The following DOCK4 variants were observed in gnomAD, a reference collection of about 807,000 sequenced individuals.
DOCK4 encodes the protein dedicator of cytokinesis 4, also known as dedicator of cytokinesis protein 4.
A neutral mutation model predicts 268.1 loss-of-function variants in DOCK4; 97 were observed. That is an observed-to-expected ratio of 0.36 (90% confidence interval 0.31 to 0.43). The LOEUF (loss-of-function observed/expected upper bound fraction) is 0.43, where lower values mean the gene tolerates loss of function less well. Ranked by LOEUF, DOCK4 falls within the 20% of genes least tolerant of loss-of-function variation. The pLI is 1.00. For missense variants in DOCK4, 2,145 were observed against 2,455.7 expected (o/e 0.87, Z 2.67); for synonymous variants, 954 against 887.2 (o/e 1.08, Z -1.34).
At chr7:111,778,788 G>A (rs1257959960) in intron 35 of DOCK4, among the ~76,000 whole-genome samples, 1 of 152,170 alleles carries the variant, frequency 6.6e-6, no homozygotes, top group Non-Finnish European at 1.5e-5. Context: ...TGGGCACGGT[G>A]GCTCATGCCT....
At chr7:111,869,490 G>T in intron 21 of DOCK4, 84 bp downstream of exon 21, 2 of 1,182,068 alleles carry the variant, frequency 1.7e-6, no homozygotes, top group Non-Finnish European at 2.5e-6. Flanking sequence ...ACCCATTACT[G>T]TCTGTGTAGA....
chr7:111,893,990 G>A (rs369850888), intron 16 of DOCK4, among the ~76,000 whole-genome samples: 1 of 152,182 alleles, frequency 6.6e-6, no homozygotes, highest in East Asian at 1.9e-4. Context: ...TTGGGAGGCT[G>A]AGGTGGGCGG....
chr7:112,197,075 C>T (rs934426446), intron 1 of DOCK4, among the ~76,000 whole-genome samples: 22 of 152,104 alleles, frequency 1.4e-4, no homozygotes, highest in African/African-American at 5.3e-4. Flanking sequence ...ATTTTGCCAA[C>T]AGACGTTCTG....
At chr7:111,759,450 T>C (rs1387085056) in intron 40 of DOCK4, among the ~76,000 whole-genome samples, 1 of 152,224 alleles carries the variant, frequency 6.6e-6, no homozygotes, top group Admixed American at 6.5e-5. Flanking sequence ...TAAAGAAAGA[T>C]AGCAAAATAT....
At chr7:112,093,974 T>A (rs1369654013) in intron 1 of DOCK4, among the ~76,000 whole-genome samples, 1 of 151,572 alleles carries the variant, frequency 6.6e-6, no homozygotes, top group Non-Finnish European at 1.5e-5. Context: ...TAGAAAAGCA[T>A]ATTGAGCTTA....
At chr7:112,093,497 A>G (rs1418554954) in intron 1 of DOCK4, among the ~76,000 whole-genome samples, 1 of 152,214 alleles carries the variant, frequency 6.6e-6, no homozygotes. Context: ...GAGTCCAGTC[A>G]TGAACACCCC....
At chr7:111,732,143 A>C in intron 52 of DOCK4, 83 bp downstream of exon 52, 3 of 1,377,628 alleles carry the variant, frequency 2.2e-6, no homozygotes, top group Non-Finnish European at 3.0e-6. Context: ...AAATTAAAGC[A>C]CCTTTTGATA....
chr7:112,058,141 G>C (rs1436790415), intron 1 of DOCK4, among the ~76,000 whole-genome samples: 1 of 150,892 alleles, frequency 6.6e-6, no homozygotes, highest in Non-Finnish European at 1.5e-5. Flanking sequence ...TTTGGAGAGA[G>C]GGAATTCTAG....
At chr7:112,180,629 G>A (rs1479977976) in intron 1 of DOCK4, among the ~76,000 whole-genome samples, 1 of 152,156 alleles carries the variant, frequency 6.6e-6, no homozygotes, top group South Asian at 2.1e-4. Context: ...GTGCCATGAC[G>A]ACAGCATGAG....
chr7:112,034,497 A>G (rs553188070), intron 1 of DOCK4, among the ~76,000 whole-genome samples: 1 of 152,350 alleles, frequency 6.6e-6, no homozygotes, highest in South Asian at 2.1e-4. Flanking sequence ...CCTTGAGACT[A>G]GACTCTTGTA....
intron 1 of DOCK4, among the ~76,000 whole-genome samples, chr7:112,078,663 C>A (rs1808302077): frequency 6.6e-6 from 1 of 152,114 alleles, no homozygotes; most frequent in South Asian, 2.1e-4. Context: ...ATGCTGATGT[C>A]AATCCCTTGG....
intron 50 of DOCK4, 111 bp from the exon 51 acceptor site, chr7:111,735,278 A>AAAAC: frequency 1.4e-6 from 1 of 690,340 alleles, no homozygotes; most frequent in Non-Finnish European, 2.4e-6. Flanking sequence ...AACTGGATGA[A>AAAAC]AAACAAAACA....
intron 1 of DOCK4, among the ~76,000 whole-genome samples, chr7:112,188,596 G>A (rs971505605): frequency 1.2e-4 from 18 of 152,098 alleles, no homozygotes; most frequent in African/African-American, 4.1e-4. Context: ...TCTGGAACAC[G>A]CAATAATTCC....
intron 34 of DOCK4, 43 bp from the exon 35 acceptor site, chr7:111,782,967 TA>T: frequency 1.3e-6 from 2 of 1,520,462 alleles, no homozygotes; most frequent in Non-Finnish European, 1.8e-6. Flanking sequence ...ACTTCCTTCC[TA>T]GGGGCAAACA....
intron 1 of DOCK4, among the ~76,000 whole-genome samples, chr7:112,134,640 C>T (rs892348801): frequency 2.0e-5 from 3 of 152,108 alleles, no homozygotes; most frequent in African/African-American, 7.2e-5. Context: ...GGCGTGAACC[C>T]GGAAGGCAGA....
chr7:111,789,523 T>G lies in DOCK4; in HGVS notation c.3316-776A>C, dbSNP rs377115062. Reference sequence around the variant, plus strand: ...AAAGACTAAGCCCAATTATTATTCCTTTAAACCAAATTTCAATCAAGAGAT... The same window carrying G: ...AAAGACTAAGCCCAATTATTATTCCGTTAAACCAAATTTCAATCAAGAGAT... On this transcript the variant is annotated intron_variant, in intron 31 of 52. Coordinates refer to ENST00000428084, the MANE Select transcript of DOCK4 (RefSeq NM_001363540.2). Among the ~76,000 whole-genome samples the G allele has an allele frequency of 1.8e-4, 28 of 152,346 alleles. No individual in the cohort carries two copies. In the South Asian group the frequency reaches 5.8e-3, roughly 32 times the overall value.
intron 7 of DOCK4, among the ~76,000 whole-genome samples, chr7:111,980,083 T>C (rs920204732): frequency 9.2e-5 from 14 of 152,198 alleles, no homozygotes; most frequent in African/African-American, 3.4e-4. Context: ...CTAAACAATG[T>C]ATTGTTGCAT....
chr7:111,782,944 G>T lies in DOCK4; in HGVS notation c.3525-20C>A. ...CAGTCCCTAAAAACAAAAAGCAATA[G>T]TCAGAACTCAGAACTTCCTTCCTAG... On this transcript the variant is annotated intron_variant, in intron 34 of 52. Transcript: ENST00000428084. 1.9e-6 allele frequency: 3 copies of T among 1,603,900 alleles called. No homozygotes were observed. Among genetic ancestry groups the T allele is most frequent in the Non-Finnish European group, 2.6e-6 (3 of 1,175,086 alleles).
intron 1 of DOCK4, among the ~76,000 whole-genome samples, chr7:112,148,050 C>T (rs1815687095): frequency 6.6e-6 from 1 of 152,028 alleles, no homozygotes; most frequent in African/African-American, 2.4e-5. Flanking sequence ...GTCTTGCTTT[C>T]ACAGCATCCA....
Sources: allele counts gnomAD v4.1 joint callset (sites outside exome capture counted in the v4.1 genomes callset), GRCh38; gene constraint gnomAD v4.1.1; transcripts MANE v1.5; gene names NCBI Gene and HGNC (gene_info 2026-07-23, HGNC 2026-07-21).